The following DBT variants were observed in gnomAD, a reference collection of about 807,000 sequenced individuals.
The protein encoded by DBT is dihydrolipoamide branched chain transacylase E2, also known as lipoamide acyltransferase component of branched-chain alpha-keto acid dehydrogenase complex, mitochondrial.
In DBT, 40 loss-of-function variants were observed where a neutral mutation model predicts 51.3. The observed-to-expected ratio is 0.78, with a 90% confidence interval of 0.61 to 1.02. The LOEUF (loss-of-function observed/expected upper bound fraction) is 1.02. Among genes scored for constraint, DBT ranks in the 50% least tolerant of loss-of-function variants. The probability of loss-of-function intolerance (pLI) is 0.00; values close to 1 mark genes in which losing one functional copy is unlikely to be tolerated. For missense variants in DBT, 510 were observed against 580.2 expected (o/e 0.88, Z 1.24); for synonymous variants, 181 against 190.4 (o/e 0.95, Z 0.41).
chr1:100,215,753 C>T (rs527364263), intron 6 of DBT, among the ~76,000 whole-genome samples: 5 of 152,026 alleles, frequency 3.3e-5, no homozygotes, highest in South Asian at 2.1e-4. Context: ...ACCTGGGAGG[C>T]GGAGGCTGCA....
intron 8 of DBT, among the ~76,000 whole-genome samples, chr1:100,208,705 C>T (rs1661942700): frequency 1.3e-5 from 2 of 150,520 alleles, no homozygotes; most frequent in African/African-American, 4.9e-5. Flanking sequence ...AGAGACCAGC[C>T]TGGGCAACAT....
rs1051703335 is a variant in DBT, at chr1:100,194,970, G to A, written c.*1285C>T. 6.6e-6 allele frequency: 1 copy of A among 152,080 alleles called. No individual in the cohort carries two copies. The highest frequency in any genetic ancestry group is 2.4e-5 in the African/African-American group (1 of 41,386). The allele number at this position is 152,080 out of a possible 1,614,324, so 9.4% of individuals were successfully genotyped here. On this transcript the variant is annotated 3_prime_UTR_variant, in exon 11 of 11. Coordinates refer to ENST00000370132, the MANE Select transcript of DBT (RefSeq NM_001918.5). ...AAATGTTGGATACATTCATCTCGTT[G>A]CTATTTCTGATTAAAGTAGACCTTT...
rs1384034981 is a variant in DBT, at chr1:100,240,789, A to ATGAC, written c.143_146dup (p.His49GlnfsTer30). ...CAGTTGTTTTCAGGAAGTGATGTGG[A>ATGAC]TGACTATACTTGAATGAAGGATAAC... On this transcript the variant is annotated frameshift_variant, in exon 2 of 11. Coordinates refer to ENST00000370132, the MANE Select transcript of DBT (RefSeq NM_001918.5). LOFTEE classifies it high-confidence loss of function. The ATGAC allele has an allele frequency of 1.2e-6, 2 of 1,606,424 alleles. No individual in the cohort carries two copies. The highest frequency in any genetic ancestry group is 3.3e-5 in the Admixed American group (2 of 60,020).
At chr1:100,207,855 G>A (rs908946240) in intron 8 of DBT, among the ~76,000 whole-genome samples, 9 of 152,032 alleles carry the variant, frequency 5.9e-5, no homozygotes, top group East Asian at 1.9e-4. Flanking sequence ...CTTTGTGGCC[G>A]GGCACAGTGG....
rs926460517 is a variant in DBT at position 100,213,403 on chromosome 1, C to T, written c.939+1414G>A. ...GCTACGGCGCCATCCCCGCCGCGCC[C>T]CCGCAGCCGCCCTACTCCTACCTCG... On this transcript the variant is annotated intron_variant, in intron 7 of 10. Transcript: ENST00000370132. The T allele has an allele frequency of 1.9e-6, 3 of 1,571,314 alleles. No homozygotes were observed. In the African/African-American group the frequency reaches 4.1e-5, roughly 21 times the overall value.
chr1:100,249,792 C>A lies in DBT; in HGVS notation c.29G>T (p.Trp10Leu), dbSNP rs572340170. MAAVRMLRT[W>L]SRNAGKLICV... ...TACCAGCTTCCCCGCATTCCTGCTC[C>A]AGGTTCTCAGCATACGGACTGCAGC... The change falls in exon 1 of 11, where the codon TGG (tryptophan) becomes TTG (leucine). Residue 10 changes from tryptophan to leucine, a missense_variant. Transcript: ENST00000370132. 6.2e-7 allele frequency: 1 copy of A among 1,614,222 alleles called. No individual in the cohort carries two copies. Among genetic ancestry groups the A allele is most frequent in the Non-Finnish European group, 8.5e-7 (1 of 1,180,024 alleles).
At chr1:100,210,480 A>C (rs1662073795) in intron 8 of DBT, 2 of 590,328 alleles carry the variant, frequency 3.4e-6, no homozygotes, top group South Asian at 5.2e-5. Flanking sequence ...AGGAAAAAAA[A>C]AAGCTTAAAA....
rs554323470 is a variant in DBT, at chr1:100,191,444, T to C, written c.*4811A>G. The C allele has an allele frequency of 2.0e-5, 3 of 152,082 alleles. No homozygotes were observed. The East Asian group carries it at 5.8e-4, about 29-fold the overall frequency. 9.4% of individuals were successfully genotyped at this position (152,082 alleles called of 1,614,324 possible). On this transcript the variant is annotated 3_prime_UTR_variant, in exon 11 of 11. Transcript: ENST00000370132. ...GCCACCTCAGCTTCCTCTCTATCCA[T>C]GTCATTAAAGAACTCTCTTAGAAAA...
At chr1:100,240,640 C>A in intron 2 of DBT, 121 bp downstream of exon 2, 1 of 802,282 alleles carries the variant, frequency 1.2e-6, no homozygotes, top group Non-Finnish European at 2.2e-6. Context: ...TGGGAAGGGC[C>A]CGGCTAGAAA....
intron 10 of DBT, among the ~76,000 whole-genome samples, chr1:100,201,541 G>T (rs893816028): frequency 4.6e-5 from 7 of 152,108 alleles, no homozygotes; most frequent in Admixed American, 1.3e-4. Context: ...TCAAATTCAG[G>T]AAATACAGAA....
At chr1:100,220,744 T>A (rs1662802774) in intron 4 of DBT, among the ~76,000 whole-genome samples, 1 of 152,254 alleles carries the variant, frequency 6.6e-6, no homozygotes, top group Non-Finnish European at 1.5e-5. Flanking sequence ...CTAATAAATC[T>A]AAGAGCTGAA....
rs191276636 is a variant in DBT, at chr1:100,221,984, C to T, written c.434-3237G>A. On this transcript the variant is annotated intron_variant, in intron 4 of 10. Coordinates refer to ENST00000370132, the MANE Select transcript of DBT (RefSeq NM_001918.5). Reference sequence around the variant, plus strand: ...AAGTATTCAAGTGTGTTTGGAAGACCTTTCTTCATAGCACAAAAATAAACT... The same window carrying T: ...AAGTATTCAAGTGTGTTTGGAAGACTTTTCTTCATAGCACAAAAATAAACT... Among the ~76,000 whole-genome samples, 583 of 152,138 alleles carry T rather than the reference C, an allele frequency of 3.8e-3. 1 individual carries two copies. The highest frequency in any genetic ancestry group is 6.8e-3 in the Non-Finnish European group (461 of 67,968).
intron 10 of DBT, among the ~76,000 whole-genome samples, chr1:100,202,686 T>C (rs1661527097): frequency 6.6e-6 from 1 of 152,014 alleles, no homozygotes; most frequent in Non-Finnish European, 1.5e-5. Flanking sequence ...GAAGTAAAAC[T>C]CTCCTCAGCA....
Position 100,218,723 on chromosome 1 carries a change from GT to G in DBT, c.457del (p.Thr153LeufsTer14). ...LKDSEEDVVE[T>X]PAVSHDEHTH... is the part of the protein sequence containing the mutation. ...ATGTTCATCATGAGACACTGCAGGA[GT>G]TTCAACAACATCTTCTTCTGAATCT... On this transcript the variant is annotated frameshift_variant, in exon 5 of 11. Coordinates refer to ENST00000370132, the MANE Select transcript of DBT (RefSeq NM_001918.5). LOFTEE classifies it high-confidence loss of function. The G allele has an allele frequency of 1.9e-6, 3 of 1,613,672 alleles. No individual in the cohort carries two copies. The highest frequency in any genetic ancestry group is 2.5e-6 in the Non-Finnish European group (3 of 1,179,812).
At chr1:100,247,414 C>T (rs943728813) in intron 1 of DBT, among the ~76,000 whole-genome samples, 2 of 152,102 alleles carry the variant, frequency 1.3e-5, no homozygotes, top group Non-Finnish European at 2.9e-5. Context: ...TCAAGAGAAA[C>T]TGGGCCAGGG....
At chr1:100,216,669 G>A (rs1662509912) in intron 5 of DBT, among the ~76,000 whole-genome samples, 1 of 152,182 alleles carries the variant, frequency 6.6e-6, no homozygotes, top group Non-Finnish European at 1.5e-5. Context: ...CATAAGAAGA[G>A]GGAGAGCTGA....
Position 100,218,135 on chromosome 1 carries a change from C to T in DBT, c.555+491G>A, listed in dbSNP as rs116216468. On this transcript the variant is annotated intron_variant, in intron 5 of 10. Transcript: ENST00000370132. ...CTCAAAGCAGTAATTCTGTGGTTCTCCCTTGCACCCTCAGATCAGGCCAGA... is the reference window on the plus strand; with the variant it reads ...CTCAAAGCAGTAATTCTGTGGTTCTTCCTTGCACCCTCAGATCAGGCCAGA... Among the ~76,000 whole-genome samples the T allele has an allele frequency of 3.6e-3, 554 of 152,334 alleles. 1 individual carries two copies. Among genetic ancestry groups the T allele is most frequent in the African/African-American group, 0.013 (533 of 41,576 alleles).
rs1233767794 is a variant in DBT at position 100,218,660 on chromosome 1, G to A, written c.521C>T (p.Thr174Ile). 1 of 1,614,036 alleles carries A rather than the reference G, an allele frequency of 6.2e-7. No homozygotes were observed. The highest frequency in any genetic ancestry group is 1.1e-5 in the South Asian group (1 of 91,076). ...CATTGCCAGACGGCGAACTGCAGGA[G>A]TTGCCAGTGTTTTTCGGCCCTTTAT... is the stretch of plus-strand genomic sequence containing the variant. ...QEIKGRKTLATPAVRRLAMEN... is the reference protein window; with the variant it reads ...QEIKGRKTLAIPAVRRLAMEN... Residue 174 changes from threonine to isoleucine, a missense_variant, in exon 5 of 11, where the codon ACT becomes ATT. Thr to Ile is a moderately conservative substitution (Grantham distance 89, BLOSUM62 -1). Coordinates refer to ENST00000370132, the MANE Select transcript of DBT (RefSeq NM_001918.5).
chr1:100,196,146 C>T lies in DBT; in HGVS notation c.*109G>A, dbSNP rs1020550517. 54 of 986,220 alleles carry T rather than the reference C, an allele frequency of 5.5e-5. No individual in the cohort carries two copies. The highest frequency in any genetic ancestry group is 7.6e-5 in the Admixed American group (4 of 52,550). 61.1% of individuals were successfully genotyped at this position (986,220 alleles called of 1,614,324 possible). A position where few individuals can be genotyped will look rare whatever the true frequency, so the allele number is the denominator to read the frequency against. ...ATTGTGCCTTAGATCCTTAATCATA[C>T]GATACAAATCATTTACAATATAAAT... On this transcript the variant is annotated 3_prime_UTR_variant, in exon 11 of 11. Transcript: ENST00000370132.
Sources: allele counts gnomAD v4.1 joint callset (sites outside exome capture counted in the v4.1 genomes callset), GRCh38; gene constraint gnomAD v4.1.1; transcripts MANE v1.5; gene names NCBI Gene and HGNC (gene_info 2026-07-23, HGNC 2026-07-21).